CSMD1: variants seen among roughly 807,000 people sequenced by gnomAD.
The protein encoded by CSMD1 is CUB and sushi domain-containing protein 1.
In CSMD1, 213 loss-of-function variants were observed where a neutral mutation model predicts 417.5. The ratio of observed to expected loss-of-function variants is 0.51; its 90% CI spans 0.46 to 0.57. The LOEUF (loss-of-function observed/expected upper bound fraction) is 0.57, where lower values mean the gene tolerates loss of function less well. CSMD1 is among the 20% of genes least tolerant of loss of function. The pLI is 0.00. For synonymous variants in CSMD1, 2,862 were observed against 1,736.8 expected (o/e 1.65, Z -16.11); for missense variants, 6,923 against 4,529.7 (o/e 1.53, Z -15.17).
At chr8:3,741,085 G>C (rs2623714) in intron 6 of CSMD1, among the ~76,000 whole-genome samples, 144,774 of 152,044 alleles carry the variant, frequency 0.95, 69,375 homozygotes, top group East Asian at 1. Flanking sequence ...TGTGGTGATA[G>C]GTGCCTGTGA....
rs766376387 is a variant in CSMD1, at chr8:3,029,322, G to C, written c.7852C>G (p.Arg2618Gly). The part of the protein sequence containing the change: ...WNIGDERPSC[R>G]VISCGSLSFP... ...GGGTGCCTCCCTCATCACTTACCTC[G>C]ACAGCTTGGCCTCTCATCTCCTATG... Residue 2618 changes from arginine (R) to glycine (G), a missense_variant, in exon 51 of 70, where the codon CGA (arginine) becomes GGA (glycine). Coordinates refer to ENST00000635120, the MANE Select transcript of CSMD1 (RefSeq NM_033225.6). The C allele has an allele frequency of 1.2e-6, 2 of 1,601,574 alleles. No homozygotes were observed. Among genetic ancestry groups the C allele is most frequent in the South Asian group, 1.1e-5 (1 of 89,546 alleles).
At chr8:2,950,903 G>C (rs1434590517) in intron 66 of CSMD1, among the ~76,000 whole-genome samples, 1 of 152,094 alleles carries the variant, frequency 6.6e-6, no homozygotes, top group Non-Finnish European at 1.5e-5. Context: ...GAGCAAATCA[G>C]TTCACTTTTC....
At chr8:3,535,791 TC>T (rs1314676449) in intron 10 of CSMD1, among the ~76,000 whole-genome samples, 1 of 152,170 alleles carries the variant, frequency 6.6e-6, no homozygotes, top group Non-Finnish European at 1.5e-5. Flanking sequence ...CTTTGAAAAT[TC>T]CCAAGGGCTG....
In CSMD1 at chr8:3,142,572, C is replaced by A. The variant is rs746436482; in HGVS notation, c.6134G>T (p.Ser2045Ile). The part of the protein sequence containing the change: ...YHTSPMIGQF[S>I]GTDLPAALLS... ...CAGGGCCGCGGGGAGATCCGTGCCG[C>A]TAAATTGTCCAATCATGGGGCTGGT... is the stretch of plus-strand genomic sequence containing the variant. The change falls in exon 41 of 70, where the codon AGC becomes ATC. Residue 2045 changes from serine (S) to isoleucine (I), a missense_variant. Physicochemically the swap from Ser to Ile is moderately radical, Grantham distance 142. Coordinates refer to ENST00000635120, the MANE Select transcript of CSMD1 (RefSeq NM_033225.6). 1 of 1,613,912 alleles carries A rather than the reference C, an allele frequency of 6.2e-7. No homozygotes were observed. The highest frequency in any genetic ancestry group is 1.1e-5 in the South Asian group (1 of 91,076).
At chr8:4,852,714 G>C (rs2116838124) in intron 1 of CSMD1, among the ~76,000 whole-genome samples, 1 of 152,264 alleles carries the variant, frequency 6.6e-6, no homozygotes, top group African/African-American at 2.4e-5. Context: ...AAAGTTTGGA[G>C]ATCCTTAGAA....
At chr8:3,116,264 C>T (rs559030636) in intron 42 of CSMD1, among the ~76,000 whole-genome samples, 2 of 152,150 alleles carry the variant, frequency 1.3e-5, no homozygotes, top group Non-Finnish European at 2.9e-5. Context: ...TTACATGAAT[C>T]GTGCGTTTCG....
chr8:3,829,622 A>G (rs1440037111), intron 5 of CSMD1, among the ~76,000 whole-genome samples: 1 of 152,166 alleles, frequency 6.6e-6, no homozygotes, highest in East Asian at 1.9e-4. Context: ...CTGAAGAAAA[A>G]GATGTAGAAT....
At chr8:4,283,672 T>C (rs1192118167) in intron 3 of CSMD1, among the ~76,000 whole-genome samples, 3 of 152,172 alleles carry the variant, frequency 2.0e-5, no homozygotes, top group Non-Finnish European at 4.4e-5. Context: ...CACCTCAGTT[T>C]TCCACATTCA....
At chr8:4,837,056 G>T (rs922432998) in intron 1 of CSMD1, among the ~76,000 whole-genome samples, 1 of 150,648 alleles carries the variant, frequency 6.6e-6, no homozygotes, top group East Asian at 1.9e-4. Context: ...CCACCCATAA[G>T]ACAGGGCTCT....
chr8:3,840,949 C>T (rs1803095911), intron 5 of CSMD1, among the ~76,000 whole-genome samples: 1 of 152,004 alleles, frequency 6.6e-6, no homozygotes, highest in Admixed American at 6.6e-5. Context: ...TCAGGTGATC[C>T]TCCTGCCTCG....
At chr8:4,887,339 G>C (rs1254220906) in intron 1 of CSMD1, among the ~76,000 whole-genome samples, 1 of 151,986 alleles carries the variant, frequency 6.6e-6, no homozygotes, top group Non-Finnish European at 1.5e-5. Context: ...ATATTTTGTA[G>C]GATTTCAATC....
chr8:4,046,072 T>C (rs189636624), intron 3 of CSMD1, among the ~76,000 whole-genome samples: 1 of 152,136 alleles, frequency 6.6e-6, no homozygotes, highest in Non-Finnish European at 1.5e-5. Flanking sequence ...TTCTCCCAAT[T>C]TATATACACA....
chr8:4,158,927 T>G (rs1796990628), intron 3 of CSMD1, among the ~76,000 whole-genome samples: 1 of 152,210 alleles, frequency 6.6e-6, no homozygotes, highest in South Asian at 2.1e-4. Flanking sequence ...AATTATTATT[T>G]GTTTTTTGAG....
chr8:4,934,550 A>C (rs1027100915), intron 1 of CSMD1, among the ~76,000 whole-genome samples: 6 of 152,184 alleles, frequency 3.9e-5, no homozygotes, highest in African/African-American at 1.4e-4. Context: ...ACTAGGAACG[A>C]GATGGAGACT....
intron 3 of CSMD1, among the ~76,000 whole-genome samples, chr8:4,145,458 G>A (rs192418798): frequency 6.6e-6 from 1 of 151,078 alleles, no homozygotes; most frequent in Non-Finnish European, 1.5e-5. Context: ...TATATTTTTT[G>A]TATTGAAATA....
At position 3,856,776 on chromosome 8, in the gene CSMD1, G is replaced by C. The variant is rs536989482; in HGVS notation, c.819-102734C>G. ...CCATGGTGTCTTTGTCTCTGAAGGA[G>C]ACTGAGCATATTACAGATACAGGCT... On this transcript the variant is annotated intron_variant, in intron 5 of 69. Coordinates refer to ENST00000635120, the MANE Select transcript of CSMD1 (RefSeq NM_033225.6). Among the ~76,000 whole-genome samples, 7 of 152,252 alleles carry C rather than the reference G, an allele frequency of 4.6e-5. No homozygotes were observed. In the East Asian group the frequency reaches 1.2e-3, roughly 25 times the overall value.
chr8:4,205,693 T>G (rs1420742067), intron 3 of CSMD1, among the ~76,000 whole-genome samples: 1 of 151,908 alleles, frequency 6.6e-6, no homozygotes, highest in Non-Finnish European at 1.5e-5. Context: ...TTACAAAGTT[T>G]CTTCCTACCA....
intron 2 of CSMD1, among the ~76,000 whole-genome samples, chr8:4,444,346 CAAAAAAAAAAAAAAAAAA>C (rs112028005): frequency 1.1e-4 from 5 of 46,278 alleles, no homozygotes; most frequent in East Asian, 1.2e-3. Context: ...GACTCCATCT[CAAAAAAAAAAAAAAAAAA>C]AAAAAAAAAA....
chr8:4,461,531 A>C (rs193298691), intron 2 of CSMD1, among the ~76,000 whole-genome samples: 1 of 150,398 alleles, frequency 6.6e-6, no homozygotes, highest in East Asian at 2.0e-4. Flanking sequence ...GAATATGCAA[A>C]AATCCATATT....
Sources: allele counts gnomAD v4.1 joint callset (sites outside exome capture counted in the v4.1 genomes callset), GRCh38; gene constraint gnomAD v4.1.1; transcripts MANE v1.5; gene names NCBI Gene and HGNC (gene_info 2026-07-23, HGNC 2026-07-21).